The following RORA variants were observed in gnomAD, a reference collection of about 807,000 sequenced individuals.
RORA encodes nuclear receptor ROR-alpha.
A neutral mutation model predicts 69.5 loss-of-function variants in RORA; 7 were observed. That is an observed-to-expected ratio of 0.10 (90% CI 0.06 to 0.19). The LOEUF (loss-of-function observed/expected upper bound fraction) is 0.19. Ranked by LOEUF, RORA falls within the 10% of genes least tolerant of loss-of-function variation. The pLI is 1.00. For synonymous variants in RORA, 261 were observed against 240.8 expected (o/e 1.08, Z -0.78); for missense variants, 457 against 663.0 (o/e 0.69, Z 3.41).
intron 2 of RORA, chr15:60,627,391 C>A: frequency 6.2e-7 from 1 of 1,613,972 alleles, no homozygotes; most frequent in East Asian, 2.2e-5. Context: ...TCCTGGTTAC[C>A]CATCTGCCTC....
At chr15:61,064,671 G>C (rs928008025) in intron 1 of RORA, among the ~76,000 whole-genome samples, 1 of 152,184 alleles carries the variant, frequency 6.6e-6, no homozygotes, top group Non-Finnish European at 1.5e-5. Context: ...ACCATGGATA[G>C]CTTTGGTGGA....
intron 1 of RORA, among the ~76,000 whole-genome samples, chr15:60,790,366 T>C (rs897731105): frequency 1.7e-4 from 26 of 152,120 alleles, no homozygotes; most frequent in African/African-American, 6.0e-4. Flanking sequence ...CAACTACAAA[T>C]GTTGATGTTG....
intron 1 of RORA, among the ~76,000 whole-genome samples, chr15:60,883,755 A>C (rs2073718400): frequency 6.6e-6 from 1 of 152,216 alleles, no homozygotes; most frequent in African/African-American, 2.4e-5. Context: ...GTTTGTGCAA[A>C]AAGTAAAGGA....
At chr15:60,878,168 T>TAGA (rs2073638772) in intron 1 of RORA, among the ~76,000 whole-genome samples, 1 of 27,366 alleles carries the variant, frequency 3.7e-5, no homozygotes, top group Admixed American at 3.9e-4. Context: ...CTACTAAAAA[T>TAGA]ACAAAAAAAA....
chr15:61,175,900 A>C (rs2079625293), intron 1 of RORA, among the ~76,000 whole-genome samples: 1 of 152,170 alleles, frequency 6.6e-6, no homozygotes, highest in African/African-American at 2.4e-5. Flanking sequence ...AAGTTATTGT[A>C]GCAGTGAAAC....
intron 2 of RORA, among the ~76,000 whole-genome samples, chr15:60,549,796 C>T (rs1420808787): frequency 6.6e-6 from 1 of 152,082 alleles, no homozygotes; most frequent in Admixed American, 6.5e-5. Flanking sequence ...TCATATTTTA[C>T]TATGTGTATT....
intron 1 of RORA, among the ~76,000 whole-genome samples, chr15:61,152,367 G>A (rs1185090366): frequency 6.6e-6 from 1 of 151,916 alleles, no homozygotes; most frequent in African/African-American, 2.4e-5. Context: ...TCACTGTGAG[G>A]AAAAGAGTCA....
intron 1 of RORA, among the ~76,000 whole-genome samples, chr15:61,023,082 G>A (rs1267451230): frequency 2.0e-5 from 3 of 151,154 alleles, no homozygotes; most frequent in Non-Finnish European, 2.9e-5. Flanking sequence ...CAGCTACTCG[G>A]GAGGCTGAGG....
At chr15:61,139,837 C>T (rs2079281850) in intron 1 of RORA, among the ~76,000 whole-genome samples, 1 of 152,228 alleles carries the variant, frequency 6.6e-6, no homozygotes, top group Admixed American at 6.5e-5. Context: ...ATGTCCACCC[C>T]TAAAAGCTTG....
At chr15:60,712,421 G>A (rs2071157055) in intron 1 of RORA, among the ~76,000 whole-genome samples, 1 of 152,126 alleles carries the variant, frequency 6.6e-6, no homozygotes, top group South Asian at 2.1e-4. Flanking sequence ...AAACTCTCTG[G>A]TCAACATAAC....
chr15:60,531,758 A>AG lies in RORA; in HGVS notation c.282+7dup, dbSNP rs758662812. On this transcript the variant is annotated splice_region_variant and intron_variant, in intron 3 of 10. Transcript: ENST00000335670. The surrounding 1 kb of genome is among the most constrained non-coding windows in gnomAD (Gnocchi z 4.8). ...TTAATAGAAACAACAACAATTAAAA[A>AG]GGCTTACCTTGCAGCCTTCACATGT... The AG allele has an allele frequency of 5.4e-5, 80 of 1,479,398 alleles. No homozygotes were observed. Among genetic ancestry groups the AG allele is most frequent in the Non-Finnish European group, 7.3e-5 (79 of 1,078,578 alleles). 91.6% of individuals were successfully genotyped at this position (1,479,398 alleles called of 1,614,324 possible).
intron 1 of RORA, among the ~76,000 whole-genome samples, chr15:60,955,893 G>A (rs1434132411): frequency 6.6e-6 from 1 of 152,160 alleles, no homozygotes; most frequent in African/African-American, 2.4e-5. Flanking sequence ...CGTATATTCT[G>A]CAAAGAGGTC....
intron 2 of RORA, among the ~76,000 whole-genome samples, chr15:60,560,122 T>A (rs1415500218): frequency 1.3e-5 from 2 of 152,212 alleles, no homozygotes; most frequent in South Asian, 2.1e-4. Context: ...TTGCTCCCTA[T>A]GAGATTGTAT....
intron 1 of RORA, among the ~76,000 whole-genome samples, chr15:60,975,075 G>A (rs1264953882): frequency 6.6e-6 from 1 of 152,128 alleles, no homozygotes; most frequent in East Asian, 1.9e-4. Context: ...GAGGCTACTG[G>A]GATTTCAACA....
At chr15:60,563,773 G>C (rs1339503998) in intron 2 of RORA, among the ~76,000 whole-genome samples, 1 of 151,894 alleles carries the variant, frequency 6.6e-6, no homozygotes, top group Non-Finnish European at 1.5e-5. Context: ...TTTATCAGAG[G>C]ACACATCTTC....
At chr15:60,547,214 T>C (rs1232204377) in intron 2 of RORA, among the ~76,000 whole-genome samples, 1 of 152,130 alleles carries the variant, frequency 6.6e-6, no homozygotes, top group Non-Finnish European at 1.5e-5. Flanking sequence ...GGATTGAGCG[T>C]CAAAGTTCTT....
In RORA at chr15:60,863,785, T is replaced by G. The variant is rs117563481; in HGVS notation, c.167-185099A>C. Among the ~76,000 whole-genome samples, 87 of 150,168 alleles carry G rather than the reference T, an allele frequency of 5.8e-4. 1 individual carries two copies. The East Asian group carries it at 0.017, about 29-fold the overall frequency. ...TATCACAAAAGGGTGGCCAGAAGAT[T>G]ATGCATGCCAACTGTCAGAATCTTT... On this transcript the variant is annotated intron_variant, in intron 1 of 10. Transcript: ENST00000335670.
At chr15:60,559,765 A>G (rs1265954764) in intron 2 of RORA, among the ~76,000 whole-genome samples, 4 of 152,252 alleles carry the variant, frequency 2.6e-5, no homozygotes, top group African/African-American at 9.6e-5. Context: ...ATTCAGTTTG[A>G]GAGTTTCTCG....
chr15:61,053,534 C>T (rs2247307), intron 1 of RORA, among the ~76,000 whole-genome samples: 66,178 of 151,318 alleles, frequency 0.44, 14,879 homozygotes, highest in Non-Finnish European at 0.49. Context: ...TACAAATGGG[C>T]AGATGCCAGG....
Sources: gnomAD v4.1 joint callset for allele counts (sites outside exome capture counted in the v4.1 genomes callset) on GRCh38, gnomAD v4.1.1 for gene constraint, Gnocchi (gnomAD v3.1) non-coding constraint, MANE v1.5 for transcripts, NCBI Gene and HGNC (gene_info 2026-07-23, HGNC 2026-07-21) for gene names.